The following PCSK5 variants were observed in gnomAD, a reference collection of about 807,000 sequenced individuals.
PCSK5 encodes prohormone convertase 5.
Under a neutral mutation model 233.2 loss-of-function variants are expected in PCSK5, and 129 were observed. The ratio of observed to expected loss-of-function variants is 0.55; its 90% CI spans 0.48 to 0.64. The LOEUF (loss-of-function observed/expected upper bound fraction) is 0.64, where lower values mean the gene tolerates loss of function less well. Among genes scored for constraint, PCSK5 ranks in the 30% least tolerant of loss-of-function variants. The pLI is 0.00. For missense variants in PCSK5, 2,076 were observed against 2,430.1 expected, an observed-to-expected ratio of 0.85 and a Z score of 3.06; for synonymous variants, 825 against 879.2, an observed-to-expected ratio of 0.94 and a Z score of 1.09.
chr9:75,908,847 C>T (rs115511470), intron 1 of PCSK5, among the ~76,000 whole-genome samples: 4,040 of 149,766 alleles, frequency 0.027, 152 homozygotes, highest in African/African-American at 0.083. Flanking sequence ...TCCATCCATC[C>T]GCCATCCATG....
intron 24 of PCSK5, among the ~76,000 whole-genome samples, chr9:76,279,941 T>G (rs1032786643): frequency 1.3e-5 from 2 of 151,930 alleles, no homozygotes; most frequent in Non-Finnish European, 2.9e-5. Context: ...GTCAATTTTG[T>G]CTTTTGTTGC....
chr9:76,149,254 A>C (rs888728718), intron 10 of PCSK5, among the ~76,000 whole-genome samples: 2 of 152,174 alleles, frequency 1.3e-5, no homozygotes, highest in African/African-American at 4.8e-5. Flanking sequence ...ACAAGGAATA[A>C]TTTTTCTTTG....
intron 20 of PCSK5, among the ~76,000 whole-genome samples, chr9:76,216,658 G>A (rs112765078): frequency 0.024 from 3,718 of 152,174 alleles, 96 homozygotes; most frequent in South Asian, 0.13. Context: ...AGTATTGGGG[G>A]TCAAAGGGAA....
At chr9:76,299,830 G>A (rs2131421127) in intron 27 of PCSK5, among the ~76,000 whole-genome samples, 2 of 152,300 alleles carry the variant, frequency 1.3e-5, no homozygotes, top group African/African-American at 4.8e-5. Flanking sequence ...CTGGTTTCCT[G>A]AAGCCACTTT....
chr9:76,105,933 G>C (rs1018101424), intron 8 of PCSK5, among the ~76,000 whole-genome samples: 10 of 152,208 alleles, frequency 6.6e-5, no homozygotes, highest in African/African-American at 2.4e-4. Flanking sequence ...GGTCATAAAA[G>C]AGTCTACTTA....
At chr9:75,991,709 G>A (rs571520957) in intron 3 of PCSK5, among the ~76,000 whole-genome samples, 2 of 152,220 alleles carry the variant, frequency 1.3e-5, no homozygotes, top group Admixed American at 1.3e-4. Flanking sequence ...AATAGAATTG[G>A]TTTTAAGGTA....
chr9:75,897,850 TAGA>T (rs1825876687), intron 1 of PCSK5, among the ~76,000 whole-genome samples: 1 of 152,162 alleles, frequency 6.6e-6, no homozygotes, highest in South Asian at 2.1e-4. Flanking sequence ...TGAGTCTGTA[TAGA>T]AGACTAGTGG....
At chr9:76,014,588 A>G (rs933637048) in intron 3 of PCSK5, among the ~76,000 whole-genome samples, 1 of 152,184 alleles carries the variant, frequency 6.6e-6, no homozygotes, top group African/African-American at 2.4e-5. Flanking sequence ...TGTTATTCCA[A>G]ACAAACTTCT....
At chr9:75,960,953 A>AC (rs1825327443) in intron 2 of PCSK5, among the ~76,000 whole-genome samples, 1 of 152,112 alleles carries the variant, frequency 6.6e-6, no homozygotes, top group Admixed American at 6.5e-5. Context: ...CTCTTCTATA[A>AC]GGAAATTGAA....
intron 9 of PCSK5, among the ~76,000 whole-genome samples, chr9:76,107,980 G>C (rs1027966630): frequency 6.6e-6 from 1 of 151,996 alleles, no homozygotes; most frequent in Non-Finnish European, 1.5e-5. Context: ...AATATCTCTT[G>C]TCCTCAATTT....
chr9:76,230,670 T>C (rs1826051895), intron 21 of PCSK5, among the ~76,000 whole-genome samples: 1 of 152,196 alleles, frequency 6.6e-6, no homozygotes, highest in Non-Finnish European at 1.5e-5. Flanking sequence ...TATTACTGCC[T>C]GAGCTCCATC....
At chr9:76,299,715 G>A (rs980416216) in intron 27 of PCSK5, among the ~76,000 whole-genome samples, 1 of 151,972 alleles carries the variant, frequency 6.6e-6, no homozygotes, top group Admixed American at 6.6e-5. Flanking sequence ...TATAATATTC[G>A]ACAGGCTGCA....
chr9:76,178,390 G>A (rs1158897410), intron 14 of PCSK5, among the ~76,000 whole-genome samples: 5 of 152,166 alleles, frequency 3.3e-5, no homozygotes, highest in Admixed American at 2.0e-4. Flanking sequence ...CTACATCTAA[G>A]CAGGAATTTT....
intron 20 of PCSK5, among the ~76,000 whole-genome samples, chr9:76,199,050 T>C (rs922878529): frequency 5.3e-5 from 8 of 152,210 alleles, no homozygotes; most frequent in African/African-American, 1.9e-4. Flanking sequence ...AAGTGGATCA[T>C]GTCAAACTAG....
intron 20 of PCSK5, among the ~76,000 whole-genome samples, chr9:76,199,883 C>T (rs950428596): frequency 9.2e-5 from 14 of 152,100 alleles, no homozygotes; most frequent in Non-Finnish European, 1.3e-4. Context: ...AAAATTAACA[C>T]GTCCAAAATA....
At chr9:76,074,797 A>G (rs994504432) in intron 7 of PCSK5, among the ~76,000 whole-genome samples, 1 of 152,238 alleles carries the variant, frequency 6.6e-6, no homozygotes, top group African/African-American at 2.4e-5. Context: ...TTTTTCAGAG[A>G]AAAGATCATG....
intron 35 of PCSK5, among the ~76,000 whole-genome samples, chr9:76,344,812 T>G (rs1174100352): frequency 2.0e-5 from 3 of 152,126 alleles, no homozygotes; most frequent in African/African-American, 7.2e-5. Flanking sequence ...CGCAGTGCAG[T>G]GGGGGCACTT....
At chr9:76,087,661 T>C (rs561711544) in intron 7 of PCSK5, among the ~76,000 whole-genome samples, 2 of 152,348 alleles carry the variant, frequency 1.3e-5, no homozygotes, top group African/African-American at 4.8e-5. Flanking sequence ...GCACAGAAAA[T>C]GGATTTTCAT....
At chr9:76,322,327 T>C (rs1232673657) in intron 31 of PCSK5, among the ~76,000 whole-genome samples, 1 of 152,074 alleles carries the variant, frequency 6.6e-6, no homozygotes, top group Non-Finnish European at 1.5e-5. Context: ...AAAACTGCAG[T>C]TGTTAAAAAG....
Sources: gnomAD v4.1 joint callset for allele counts (sites outside exome capture counted in the v4.1 genomes callset) on GRCh38, gnomAD v4.1.1 for gene constraint, MANE v1.5 for transcripts, NCBI Gene and HGNC (gene_info 2026-07-23, HGNC 2026-07-21) for gene names.